Variants in AREL1 observed in about 807,000 individuals in gnomAD.
AREL1 encodes apoptosis-resistant E3 ubiquitin protein ligase 1.
Under a neutral mutation model 99.0 loss-of-function variants are expected in AREL1, and 62 were observed. The ratio of observed to expected loss-of-function variants is 0.63; its 90% confidence interval spans 0.51 to 0.77. The LOEUF is 0.77. Ranked by LOEUF, AREL1 falls within the 30% of genes least tolerant of loss-of-function variation. The pLI, the probability that AREL1 is intolerant of heterozygous loss-of-function variation, is 0.00. For synonymous variants in AREL1, 380 were observed against 376.5 expected (o/e 1.01, Z -0.11); for missense variants, 879 against 1,027.6 (o/e 0.86, Z 1.98).
At chr14:74,687,255 T>C (rs2089768974) in intron 2 of AREL1, among the ~76,000 whole-genome samples, 1 of 152,156 alleles carries the variant, frequency 6.6e-6, no homozygotes, top group South Asian at 2.1e-4. Context: ...GTGCCAAATG[T>C]ATGGCTTGAG....
Position 74,665,790 on chromosome 14 carries a change from T to G in AREL1, c.2104-865A>C, listed in dbSNP as rs1335364815. ...AGACTGCAAGTACTCATCCAATAGC[T>G]ATAAAGAATAATACATTCTAACCAG... On this transcript the variant is annotated intron_variant, in intron 17 of 19. Coordinates refer to ENST00000356357, the MANE Select transcript of AREL1 (RefSeq NM_001039479.2). Among the ~76,000 whole-genome samples, 3 of 152,190 alleles carry G rather than the reference T, an allele frequency of 2.0e-5. No homozygotes were observed. In the East Asian group the frequency reaches 5.8e-4, roughly 29 times the overall value.
rs749770219 is a variant in AREL1 at position 74,672,806 on chromosome 14, C to T, written c.1422+25G>A. 1.9e-6 allele frequency: 3 copies of T among 1,613,796 alleles called. No homozygotes were observed. In the Admixed American group the frequency reaches 5.0e-5, roughly 27 times the overall value. The stretch of plus-strand genomic sequence containing the variant: ...TTCAATTGGAAAACTTTGGTATCTG[C>T]TGACAGAGATGAAATTTTACCTACC... On this transcript the variant is annotated intron_variant, in intron 11 of 19. Coordinates refer to ENST00000356357, the MANE Select transcript of AREL1 (RefSeq NM_001039479.2).
Position 74,675,768 on chromosome 14 carries a change from C to A in AREL1, c.1011G>T (p.Ser337=), listed in dbSNP as rs200778168. The change falls in exon 8 of 20, where the codon TCG becomes TCT. Residue 337 remains serine (S), a synonymous_variant. Transcript: ENST00000356357. ...STAVDEEDED[S]PSECHTPEKV... is the part of the protein sequence containing the mutation. Reference sequence around the variant, plus strand: ...TCTCAGGGGTGTGGCACTCAGAGGGCGAGTCTTCATCTTCCTCGTCAACAG... The same window carrying A: ...TCTCAGGGGTGTGGCACTCAGAGGGAGAGTCTTCATCTTCCTCGTCAACAG... 1 of 1,614,098 alleles carries A rather than the reference C, an allele frequency of 6.2e-7. No homozygotes were observed. Among genetic ancestry groups the A allele is most frequent in the Non-Finnish European group, 8.5e-7 (1 of 1,180,026 alleles).
rs759009634 is a variant in AREL1, at chr14:74,672,824, TACCTACCGATTCC to T, written c.1416_1422+6del. On this transcript the variant is annotated splice_donor_variant and splice_donor_5th_base_variant and coding_sequence_variant and intron_variant, in exon 11 of 20. Transcript: ENST00000356357. LOFTEE classifies it high-confidence loss of function. ...GTATCTGCTGACAGAGATGAAATTT[TACCTACCGATTCC>T]AACAAGGCATGTCTGCTGACCTTCA... is the stretch of plus-strand genomic sequence containing the variant. 1 of 1,614,062 alleles carries T rather than the reference TACCTACCGATTCC, an allele frequency of 6.2e-7. No individual in the cohort carries two copies. Among genetic ancestry groups the T allele is most frequent in the Non-Finnish European group, 8.5e-7 (1 of 1,180,024 alleles).
intron 19 of AREL1, 31 bp downstream of exon 19, chr14:74,663,868 C>T (rs2089143674): frequency 5.0e-6 from 8 of 1,614,084 alleles, no homozygotes; most frequent in Non-Finnish European, 6.8e-6. Flanking sequence ...ACCAAAAACA[C>T]TGGGCATGCA....
intron 2 of AREL1, among the ~76,000 whole-genome samples, chr14:74,688,021 T>A (rs1452503282): frequency 6.1e-4 from 82 of 135,534 alleles, no homozygotes; most frequent in African/African-American, 2.2e-3. Flanking sequence ...AGTACTTACT[T>A]TTTTTTTTTT....
intron 8 of AREL1, among the ~76,000 whole-genome samples, chr14:74,675,159 T>C (rs1013777480): frequency 1.3e-5 from 2 of 152,218 alleles, no homozygotes; most frequent in African/African-American, 2.4e-5. Flanking sequence ...ACTTACCCAT[T>C]TCCCTCATTA....
intron 2 of AREL1, among the ~76,000 whole-genome samples, chr14:74,686,254 G>A (rs925095463): frequency 6.6e-6 from 1 of 152,278 alleles, no homozygotes. Context: ...TCTGGAAGAT[G>A]AGCTCAGCAG....
intron 12 of AREL1, 126 bp from the exon 13 acceptor site, chr14:74,670,997 C>T (rs1312045611): frequency 1.8e-5 from 13 of 703,666 alleles, no homozygotes; most frequent in East Asian, 2.8e-5. Flanking sequence ...TTCTCCGTTG[C>T]GACTCATCTA....
intron 2 of AREL1, among the ~76,000 whole-genome samples, chr14:74,688,066 C>T (rs2139933026): frequency 7.0e-6 from 1 of 142,756 alleles, no homozygotes; most frequent in South Asian, 2.2e-4. Context: ...CACACTGTCA[C>T]CCAGGCTGGA....
intron 1 of AREL1, among the ~76,000 whole-genome samples, chr14:74,711,623 A>T (rs1252428107): frequency 2.6e-5 from 4 of 152,288 alleles, no homozygotes; most frequent in Admixed American, 6.5e-5. Context: ...GAAGACACAC[A>T]ATGGTAACAA....
In AREL1 at chr14:74,675,739, A is replaced by G; in HGVS notation, c.1040T>C (p.Val347Ala). 1 of 1,613,952 alleles carries G rather than the reference A, an allele frequency of 6.2e-7. No homozygotes were observed. ...GCAGTACACCTTCTTCGGTTTCTTC[A>G]CCTTCTCAGGGGTGTGGCACTCAGA... ...SPSECHTPEKVKKPKKVYCYV... is the reference protein window; with the variant it reads ...SPSECHTPEKAKKPKKVYCYV... The change falls in exon 8 of 20, where the codon GTG becomes GCG. Residue 347 changes from valine (V) to alanine (A), a missense_variant. By Grantham distance (64) the Val-to-Ala change is moderately conservative. Transcript: ENST00000356357.
intron 1 of AREL1, among the ~76,000 whole-genome samples, chr14:74,696,904 T>C (rs934003000): frequency 4.6e-5 from 7 of 152,102 alleles, no homozygotes; most frequent in African/African-American, 1.7e-4. Context: ...GCTTAAGTTG[T>C]AGTGAGCCAA....
At chr14:74,673,777 T>C (rs1477090666) in intron 9 of AREL1, among the ~76,000 whole-genome samples, 1 of 152,222 alleles carries the variant, frequency 6.6e-6, no homozygotes, top group African/African-American at 2.4e-5. Flanking sequence ...TAACTTAGTC[T>C]TGAAGGCAAA....
chr14:74,679,863 T>TA (rs869302952), intron 5 of AREL1, among the ~76,000 whole-genome samples: 50 of 149,028 alleles, frequency 3.4e-4, no homozygotes, highest in East Asian at 9.8e-4. Context: ...AATAAATAAA[T>TA]AATAATAATC....
intron 5 of AREL1, chr14:74,678,212 T>G (rs1172124921): frequency 2.2e-6 from 1 of 455,000 alleles, no homozygotes; most frequent in Admixed American, 2.4e-5. Context: ...GCTACAGTAA[T>G]CAGGCTGTGT....
At chr14:74,704,936 A>C (rs2090149042) in intron 1 of AREL1, among the ~76,000 whole-genome samples, 1 of 147,870 alleles carries the variant, frequency 6.8e-6, no homozygotes, top group South Asian at 2.2e-4. Context: ...ACTTTTTAAA[A>C]CTCCTGCATT....
intron 1 of AREL1, among the ~76,000 whole-genome samples, chr14:74,711,765 A>G (rs2090295958): frequency 6.7e-6 from 1 of 150,120 alleles, no homozygotes; most frequent in Admixed American, 6.6e-5. Context: ...ACAGATAAAG[A>G]AACTGAGATG....
chr14:74,683,161 T>C (rs2089670394), intron 5 of AREL1, 135 bp downstream of exon 5: 5 of 686,926 alleles, frequency 7.3e-6, no homozygotes, highest in African/African-American at 5.4e-5. Context: ...CATTAAACTG[T>C]ATACTTTAAA....
Sources: allele counts gnomAD v4.1 joint callset (sites outside exome capture counted in the v4.1 genomes callset), GRCh38; gene constraint gnomAD v4.1.1; transcripts MANE v1.5; gene names NCBI Gene and HGNC (gene_info 2026-07-23, HGNC 2026-07-21).